OPCML: variants seen among roughly 807,000 people sequenced by gnomAD.
OPCML encodes the protein opioid-binding protein/cell adhesion molecule.
In OPCML, 13 loss-of-function variants were observed where a neutral mutation model predicts 37.8. The observed-to-expected ratio is 0.34, with a 90% CI of 0.22 to 0.55. The LOEUF (loss-of-function observed/expected upper bound fraction) is 0.55. Ranked by LOEUF, OPCML falls within the 20% of genes least tolerant of loss-of-function variation. OPCML has a pLI of 0.91. For missense variants in OPCML, 341 were observed against 435.6 expected, an observed-to-expected ratio of 0.78 and a Z score of 1.93; for synonymous variants, 176 against 168.8, an observed-to-expected ratio of 1.04 and a Z score of -0.33.
intron 2 of OPCML, among the ~76,000 whole-genome samples, chr11:132,928,812 T>C (rs1945088838): frequency 6.6e-6 from 1 of 151,890 alleles, no homozygotes; most frequent in Non-Finnish European, 1.5e-5. Flanking sequence ...AACAACAGCA[T>C]AAGGAAAACT....
intron 1 of OPCML, chr11:133,066,212 C>G (rs1313686360): frequency 6.6e-6 from 1 of 152,270 alleles, no homozygotes; most frequent in Non-Finnish European, 1.5e-5. Flanking sequence ...AATGGCCACT[C>G]CCCTTTCAGA....
Position 132,461,860 on chromosome 11 carries a change from C to A in OPCML, c.506-24501G>T, listed in dbSNP as rs184923531. Among the ~76,000 whole-genome samples the A allele has an allele frequency of 5.9e-5, 9 of 152,216 alleles. No homozygotes were observed. In the East Asian group the frequency reaches 1.4e-3, roughly 23 times the overall value. ...AAAGCCCCTTATAAAATCATCAGAT[C>A]TCCTGAGAATTCACTCACTATCACG... On this transcript the variant is annotated intron_variant, in intron 4 of 7. Transcript: ENST00000524381.
intron 1 of OPCML, among the ~76,000 whole-genome samples, chr11:133,151,628 T>C (rs1476122725): frequency 6.6e-6 from 1 of 152,142 alleles, no homozygotes; most frequent in African/African-American, 2.4e-5. Context: ...AAATACATCT[T>C]CACTAGTTTG....
intron 1 of OPCML, among the ~76,000 whole-genome samples, chr11:133,138,611 G>A (rs1034413238): frequency 7.2e-5 from 11 of 152,126 alleles, no homozygotes; most frequent in Non-Finnish European, 1.3e-4. Context: ...GCCTTCCATA[G>A]CCATTCCCAT....
rs143665422 is a variant in OPCML, at chr11:133,048,290, G to C, written c.62-105280C>G. ...TCAGAGAAGAAACTGAGACACAGGCGTGCATTAACTCAATCGACAAATAGT... is the reference window on the plus strand; with the variant it reads ...TCAGAGAAGAAACTGAGACACAGGCCTGCATTAACTCAATCGACAAATAGT... On this transcript the variant is annotated intron_variant, in intron 1 of 7. Coordinates refer to ENST00000524381, the MANE Select transcript of OPCML (RefSeq NM_001012393.5). Among the ~76,000 whole-genome samples the C allele has an allele frequency of 3.2e-3, 490 of 152,184 alleles. 2 individuals are homozygous for C. Among genetic ancestry groups the C allele is most frequent in the Non-Finnish European group, 4.9e-3 (333 of 68,010 alleles).
chr11:133,400,305 A>T (rs1487165571), intron 1 of OPCML, among the ~76,000 whole-genome samples: 2 of 152,214 alleles, frequency 1.3e-5, no homozygotes, highest in African/African-American at 4.8e-5. Flanking sequence ...CTTGATCCTG[A>T]CCAACGGGCA....
chr11:132,492,678 A>G (rs780245283), intron 4 of OPCML, among the ~76,000 whole-genome samples: 2 of 152,154 alleles, frequency 1.3e-5, no homozygotes, highest in Non-Finnish European at 2.9e-5. Context: ...TGACTCAGGA[A>G]TTCAGAGGAG....
At chr11:132,501,231 A>T (rs2096244839) in intron 4 of OPCML, among the ~76,000 whole-genome samples, 1 of 152,228 alleles carries the variant, frequency 6.6e-6, no homozygotes, top group Admixed American at 6.5e-5. Flanking sequence ...AAATTAACCC[A>T]AGATGGATCA....
At chr11:133,133,528 C>G (rs1035782648) in intron 1 of OPCML, among the ~76,000 whole-genome samples, 1 of 152,156 alleles carries the variant, frequency 6.6e-6, no homozygotes, top group African/African-American at 2.4e-5. Context: ...GCAGCCCGTT[C>G]TCCCCATCCC....
rs746303658 is a variant in OPCML, at chr11:133,458,768, C to CGT, written c.61+73494_61+73495dup. On this transcript the variant is annotated intron_variant, in intron 1 of 7. Coordinates refer to ENST00000524381, the MANE Select transcript of OPCML (RefSeq NM_001012393.5). ...GTGTGTATATATACACATAGATGCACGTGTGTGTATATACACATAGATGCA... is the reference window on the plus strand; with the variant it reads ...GTGTGTATATATACACATAGATGCACGTGTGTGTGTATATACACATAGATGCA... 2.6e-3 allele frequency among the ~76,000 whole-genome samples: 63 copies of CGT among 24,246 alleles called. 2 individuals are homozygous for CGT. Among genetic ancestry groups the CGT allele is most frequent in the East Asian group, 0.019 (9 of 486 alleles). The allele number at this position is 24,246 out of a possible 152,430, so 15.9% of individuals were successfully genotyped here. A position where few individuals can be genotyped will look rare whatever the true frequency, so the allele number is the denominator to read the frequency against.
intron 3 of OPCML, among the ~76,000 whole-genome samples, chr11:132,554,240 G>GT (rs1378920964): frequency 6.6e-6 from 1 of 152,204 alleles, no homozygotes; most frequent in Non-Finnish European, 1.5e-5. Flanking sequence ...ATCAAACTGT[G>GT]TTTATAAAGT....
intron 1 of OPCML, among the ~76,000 whole-genome samples, chr11:133,275,473 C>T (rs1369011337): frequency 6.6e-6 from 1 of 152,132 alleles, no homozygotes; most frequent in East Asian, 1.9e-4. Context: ...GCTTTGTTCT[C>T]CCAATTGTTT....
chr11:133,080,766 T>G lies in OPCML; in HGVS notation c.62-137756A>C, dbSNP rs76839247. Among the ~76,000 whole-genome samples the G allele has an allele frequency of 3.6e-3, 555 of 152,292 alleles. 2 individuals are homozygous for G. Among genetic ancestry groups the G allele is most frequent in the African/African-American group, 0.012 (519 of 41,564 alleles). On this transcript the variant is annotated intron_variant, in intron 1 of 7. Transcript: ENST00000524381. The stretch of plus-strand genomic sequence containing the variant: ...GTCGCTATGAAGGAGCTCAATGGTT[T>G]TTATTGCTTCCATCCTTTAAACACC...
intron 3 of OPCML, among the ~76,000 whole-genome samples, chr11:132,555,131 C>CTGAT (rs2096392187): frequency 6.6e-6 from 1 of 151,958 alleles, no homozygotes; most frequent in Admixed American, 6.6e-5. Context: ...AAAATCATGT[C>CTGAT]TGATAAGTCT....
chr11:133,227,717 G>C (rs1323907616), intron 1 of OPCML, among the ~76,000 whole-genome samples: 2 of 152,152 alleles, frequency 1.3e-5, no homozygotes, highest in African/African-American at 4.8e-5. Flanking sequence ...GCCCTCCAGG[G>C]TGAAGGGCAT....
At chr11:132,951,196 A>AG (rs1945851290) in intron 1 of OPCML, among the ~76,000 whole-genome samples, 1 of 152,328 alleles carries the variant, frequency 6.6e-6, no homozygotes, top group East Asian at 1.9e-4. Flanking sequence ...GAATCTGTAG[A>AG]GTACTTGTGA....
At chr11:133,283,570 T>C (rs1942219595) in intron 1 of OPCML, among the ~76,000 whole-genome samples, 2 of 152,090 alleles carry the variant, frequency 1.3e-5, no homozygotes, top group Admixed American at 6.5e-5. Context: ...CAGCCAAAGG[T>C]ATTTGTTTAC....
intron 1 of OPCML, chr11:133,006,913 T>C (rs1464948509): frequency 1.0e-6 from 1 of 985,312 alleles, no homozygotes; most frequent in African/African-American, 1.7e-5. Context: ...CCTAGGCTGG[T>C]GTAGTGCTTG....
intron 1 of OPCML, among the ~76,000 whole-genome samples, chr11:133,202,443 C>T (rs189776034): frequency 6.6e-6 from 1 of 152,196 alleles, no homozygotes; most frequent in Non-Finnish European, 1.5e-5. Context: ...TGATGGTGTG[C>T]TGTTACTGCT....
Sources: gnomAD v4.1 joint callset for allele counts (sites outside exome capture counted in the v4.1 genomes callset) on GRCh38, gnomAD v4.1.1 for gene constraint, MANE v1.5 for transcripts, NCBI Gene and HGNC (gene_info 2026-07-23, HGNC 2026-07-21) for gene names.